MROH2A: variants seen among roughly 807,000 people sequenced by gnomAD.
The protein encoded by MROH2A is maestro heat-like repeat-containing protein family member 2A.
Under a neutral mutation model 200.4 loss-of-function variants are expected in MROH2A, and 174 were observed. That is an observed-to-expected ratio of 0.87 (90% CI 0.77 to 0.98). The LOEUF is 0.98. MROH2A is among the 50% of genes least tolerant of loss of function. The pLI is 0.00. For synonymous variants in MROH2A, 829 were observed against 840.4 expected (o/e 0.99, Z 0.23); for missense variants, 2,045 against 2,139.6 (o/e 0.96, Z 0.87).
At chr2:233,827,692 C>T (rs1042079339) in intron 35 of MROH2A, among the ~76,000 whole-genome samples, 1 of 151,828 alleles carries the variant, frequency 6.6e-6, no homozygotes, top group Non-Finnish European at 1.5e-5. Flanking sequence ...ATGTAACAAG[C>T]TTGCACTTCC....
At chr2:233,832,459 A>G in intron 40 of MROH2A, 120 bp from the exon 41 acceptor site, 3 of 999,464 alleles carry the variant, frequency 3.0e-6, no homozygotes, top group Admixed American at 2.1e-5. Context: ...CTCCCTGCCA[A>G]CGTGGGCTCA....
At chr2:233,825,675 C>T (rs913100246) in intron 35 of MROH2A, among the ~76,000 whole-genome samples, 8 of 152,142 alleles carry the variant, frequency 5.3e-5, no homozygotes, top group Admixed American at 3.9e-4. Flanking sequence ...GCTACTTGAT[C>T]GTGGTGGATG....
chr2:233,803,031 G>C (rs730673), intron 15 of MROH2A, among the ~76,000 whole-genome samples: 80,349 of 152,048 alleles, frequency 0.53, 23,248 homozygotes, highest in South Asian at 0.71. Flanking sequence ...TTGTTTGTGC[G>C]CTGTTGGTTT....
intron 40 of MROH2A, 118 bp from the exon 41 acceptor site, chr2:233,832,461 G>A (rs532258656): frequency 3.4e-5 from 34 of 1,006,658 alleles, no homozygotes; most frequent in East Asian, 2.9e-4. Context: ...CCCTGCCAAC[G>A]TGGGCTCAAC....
Position 233,779,734 on chromosome 2 carries a change from C to T in MROH2A, c.158C>T (p.Thr53Ile), listed in dbSNP as rs1050911638. ...IIDSESAKTD[T>I]TGAGLDMRKT... ...GACAGCGAGTCAGCAAAGACGGACA[C>T]AACAGGGGCAGGCCTTGACATGCGG... The change falls in exon 3 of 42, where the codon ACA becomes ATA. Residue 53 changes from threonine (T) to isoleucine (I), a missense_variant. Coordinates refer to ENST00000389758, the MANE Select transcript of MROH2A (RefSeq NM_001394639.1). The T allele has an allele frequency of 7.7e-6, 12 of 1,551,004 alleles. No individual in the cohort carries two copies. The highest frequency in any genetic ancestry group is 1.4e-5 in the African/African-American group (1 of 73,032).
chr2:233,831,027 C>A (rs1704706215), intron 38 of MROH2A, among the ~76,000 whole-genome samples: 1 of 152,154 alleles, frequency 6.6e-6, no homozygotes, highest in Non-Finnish European at 1.5e-5. Flanking sequence ...GGCCAGCAGG[C>A]TTGGTCACAG....
At chr2:233,781,248 A>T (rs542737169) in intron 3 of MROH2A, among the ~76,000 whole-genome samples, 2 of 152,214 alleles carry the variant, frequency 1.3e-5, no homozygotes, top group Admixed American at 6.5e-5. Context: ...TTGGATACAC[A>T]CCCAGTAGTA....
chr2:233,798,990 G>C (rs970602759), intron 12 of MROH2A, 140 bp downstream of exon 12: 1 of 681,066 alleles, frequency 1.5e-6, no homozygotes, highest in African/African-American at 1.8e-5. Context: ...GCTGCAGAAT[G>C]GTGAGGCCAG....
Position 233,819,955 on chromosome 2 carries a change from A to G in MROH2A, c.3411A>G (p.Pro1137=). The G allele has an allele frequency of 5.8e-6, 9 of 1,545,428 alleles. No individual in the cohort carries two copies. The highest frequency in any genetic ancestry group is 7.9e-6 in the Non-Finnish European group (9 of 1,143,286). The part of the protein sequence containing the change: ...ILVHLPVVDH[P]EVRRLLIDGI... Reference sequence around the variant, plus strand: ...TGCACCTGCCGGTGGTGGACCACCCAGAGGTGCGGCGCCTTCTCATTGACG... The same window carrying G: ...TGCACCTGCCGGTGGTGGACCACCCGGAGGTGCGGCGCCTTCTCATTGACG... Residue 1137 remains proline, a synonymous_variant, in exon 31 of 42, where the codon CCA becomes CCG. Transcript: ENST00000389758.
rs1702278463 is a variant in MROH2A at position 233,798,847 on chromosome 2, C to G, written c.1326C>G (p.Ser442=). The change falls in exon 12 of 42, where the codon TCC becomes TCG. Residue 442 remains serine, a synonymous_variant. Coordinates refer to ENST00000389758, the MANE Select transcript of MROH2A (RefSeq NM_001394639.1). ...AGAACACCATCTCTGATACCCGGTCCAAGGTAACAGGGCAGAGACCTGGAA... is the reference window on the plus strand; with the variant it reads ...AGAACACCATCTCTGATACCCGGTCGAAGGTAACAGGGCAGAGACCTGGAA... ...VVKNTISDTR[S]KVRMAILHII... 6.5e-7 allele frequency: 1 copy of G among 1,549,998 alleles called. No individual in the cohort carries two copies. The highest frequency in any genetic ancestry group is 2.0e-5 in the Admixed American group (1 of 51,000).
At chr2:233,776,176 C>A (rs1270499645), upstream of MROH2A, among the ~76,000 whole-genome samples, 1 of 152,024 alleles carries the variant, frequency 6.6e-6, no homozygotes, top group Admixed American at 6.6e-5. Context: ...ATGTCTTGGG[C>A]CTTTTGTGTA....
chr2:233,797,606 A>G (rs1475429904), intron 11 of MROH2A, among the ~76,000 whole-genome samples: 1 of 152,252 alleles, frequency 6.6e-6, no homozygotes, highest in Non-Finnish European at 1.5e-5. Flanking sequence ...TCATTTATGC[A>G]TAAACAGGTC....
In MROH2A at chr2:233,807,422, G is replaced by A. The variant is rs1216504275; in HGVS notation, c.2053-1G>A. The A allele has an allele frequency of 6.5e-7, 1 of 1,550,112 alleles. No homozygotes were observed. Among genetic ancestry groups the A allele is most frequent in the African/African-American group, 1.4e-5 (1 of 73,186 alleles). On this transcript the variant is annotated splice_acceptor_variant, in intron 19 of 41. Coordinates refer to ENST00000389758, the MANE Select transcript of MROH2A (RefSeq NM_001394639.1). LOFTEE classifies it high-confidence loss of function. The surrounding 1 kb of genome is among the most constrained non-coding windows in gnomAD (Gnocchi z 4.3). ...CTCCTTCCTCCCTTCTGCCTCTCCAGGGCTTTCTGTACCGGGCCTTGGGCT... is the reference window on the plus strand; with the variant it reads ...CTCCTTCCTCCCTTCTGCCTCTCCAAGGCTTTCTGTACCGGGCCTTGGGCT...
rs143998655 is a variant in MROH2A, at chr2:233,785,921, T to C, written c.277-3576T>C. 5.5e-3 allele frequency among the ~76,000 whole-genome samples: 838 copies of C among 152,220 alleles called. 11 individuals are homozygous for C. The highest frequency in any genetic ancestry group is 0.033 in the Admixed American group (500 of 15,292). On this transcript the variant is annotated intron_variant, in intron 3 of 41. Transcript: ENST00000389758. ...AATTCTGGAAGCTGGAAGTCCCTGA[T>C]TGAGGTGCGATATGGTTTGGCTGTG...
At chr2:233,797,369 G>A (rs1702182492) in intron 11 of MROH2A, among the ~76,000 whole-genome samples, 1 of 152,182 alleles carries the variant, frequency 6.6e-6, no homozygotes, top group South Asian at 2.1e-4. Flanking sequence ...TTAAAACATT[G>A]TATTAAAAGC....
chr2:233,833,092 C>T, intron 41 of MROH2A, 46 bp from the exon 42 acceptor site: 1 of 1,495,960 alleles, frequency 6.7e-7, no homozygotes, highest in Non-Finnish European at 8.9e-7. Flanking sequence ...GCATGTGGTC[C>T]TGACTGGGCG....
chr2:233,791,518 A>G (rs1701760733), intron 5 of MROH2A, among the ~76,000 whole-genome samples: 1 of 151,924 alleles, frequency 6.6e-6, no homozygotes, highest in Non-Finnish European at 1.5e-5. Context: ...TGAAGGGGGC[A>G]GTTGATTTGT....
intron 22 of MROH2A, 28 bp from the exon 23 acceptor site, chr2:233,810,766 C>A: frequency 6.5e-7 from 1 of 1,548,482 alleles, no homozygotes; most frequent in South Asian, 1.2e-5. Context: ...CAAACATTCT[C>A]TCCCTCCTTT....
chr2:233,818,590 G>A lies in MROH2A; in HGVS notation c.3086-62G>A, dbSNP rs753175810. On this transcript the variant is annotated intron_variant, in intron 28 of 41. Transcript: ENST00000389758. Reference sequence around the variant, plus strand: ...CAAAGCCAGGGCAGGAGGTAGCCACGAAGGGGGGGTGGCTGGGCCTTTTGT... The same window carrying A: ...CAAAGCCAGGGCAGGAGGTAGCCACAAAGGGGGGGTGGCTGGGCCTTTTGT... 2.1e-5 allele frequency: 23 copies of A among 1,080,136 alleles called. No individual in the cohort carries two copies. The Admixed American group carries it at 2.2e-4, about 10-fold the overall frequency. 66.9% of individuals were successfully genotyped at this position (1,080,136 alleles called of 1,614,324 possible).
Sources: allele counts gnomAD v4.1 joint callset (sites outside exome capture counted in the v4.1 genomes callset), GRCh38; gene constraint gnomAD v4.1.1; non-coding constraint Gnocchi (gnomAD v3.1); transcripts MANE v1.5; gene names NCBI Gene and HGNC (gene_info 2026-07-23, HGNC 2026-07-21).